CUX1: variants seen among roughly 807,000 people sequenced by gnomAD.
CUX1 encodes the protein protein CASP.
In CUX1, 31 loss-of-function variants were observed where a neutral mutation model predicts 158.8. That is an observed-to-expected ratio of 0.20 (90% CI 0.15 to 0.26). CUX1 has a LOEUF of 0.26. Ranked by LOEUF, CUX1 falls within the 10% of genes least tolerant of loss-of-function variation. The probability of loss-of-function intolerance (pLI) is 1.00; values close to 1 mark genes in which losing one functional copy is unlikely to be tolerated. For synonymous variants in CUX1, 879 were observed against 862.1 expected, an observed-to-expected ratio of 1.02 and a Z score of -0.34; for missense variants, 1,589 against 2,014.6, an observed-to-expected ratio of 0.79 and a Z score of 4.04.
chr7:102,156,066 C>T (rs910766448), intron 8 of CUX1, among the ~76,000 whole-genome samples: 1 of 152,220 alleles, frequency 6.6e-6, no homozygotes, highest in Non-Finnish European at 1.5e-5. Flanking sequence ...CACAAGGCAT[C>T]TGTTACCCTA....
At chr7:102,149,883 G>A (rs1375498348) in intron 8 of CUX1, among the ~76,000 whole-genome samples, 7 of 152,052 alleles carry the variant, frequency 4.6e-5, no homozygotes, top group African/African-American at 7.2e-5. Flanking sequence ...AGGGTCCAGC[G>A]AGCCCCACCT....
At chr7:102,246,998 C>A (rs897713877) in intron 23 of CUX1, among the ~76,000 whole-genome samples, 11 of 152,188 alleles carry the variant, frequency 7.2e-5, no homozygotes, top group African/African-American at 2.4e-4. Context: ...TGCCCCTGCA[C>A]TCCAGCCTAA....
At chr7:102,180,803 C>T (rs1034117137) in intron 11 of CUX1, among the ~76,000 whole-genome samples, 1 of 151,826 alleles carries the variant, frequency 6.6e-6, no homozygotes, top group Non-Finnish European at 1.5e-5. Context: ...AACTGCCCAG[C>T]GCCGGGTCCC....
At chr7:102,121,888 G>C (rs549336999) in intron 8 of CUX1, among the ~76,000 whole-genome samples, 1 of 152,258 alleles carries the variant, frequency 6.6e-6, no homozygotes, top group African/African-American at 2.4e-5. Flanking sequence ...TAATCAAGCA[G>C]CAAAGGTGAG....
chr7:102,155,942 C>T (rs1230918821), intron 8 of CUX1, among the ~76,000 whole-genome samples: 1 of 152,152 alleles, frequency 6.6e-6, no homozygotes, highest in Non-Finnish European at 1.5e-5. Context: ...TGAAATCGTC[C>T]TAAAAATAGC....
At position 102,102,418 on chromosome 7, in the gene CUX1, C is replaced by T. The variant is rs567267146; in HGVS notation, c.407-1918C>T. ...CAGTCTGGGCCACTGAGCGAGACTCCGCCTCAAAAAAAAAAAAAAAAAAAA... is the reference window on the plus strand; with the variant it reads ...CAGTCTGGGCCACTGAGCGAGACTCTGCCTCAAAAAAAAAAAAAAAAAAAA... On this transcript the variant is annotated intron_variant, in intron 5 of 23. Transcript: ENST00000292535. 2.5e-3 allele frequency among the ~76,000 whole-genome samples: 279 copies of T among 111,364 alleles called. 2 individuals carry two copies. The highest frequency in any genetic ancestry group is 0.01 in the African/African-American group (264 of 26,030). 73.1% of individuals were successfully genotyped at this position (111,364 alleles called of 152,430 possible).
chr7:101,930,566 A>G (rs1026793732), intron 2 of CUX1, among the ~76,000 whole-genome samples: 1 of 152,206 alleles, frequency 6.6e-6, no homozygotes, highest in Non-Finnish European at 1.5e-5. Flanking sequence ...TTTCATTTTA[A>G]CTTGCAAATG....
At chr7:101,876,143 C>T (rs1055103300) in intron 1 of CUX1, among the ~76,000 whole-genome samples, 3 of 151,218 alleles carry the variant, frequency 2.0e-5, no homozygotes, top group South Asian at 2.1e-4. Flanking sequence ...GCCAGGAGTT[C>T]GAGACTAGCC....
chr7:101,924,808 C>T (rs1325185573), intron 2 of CUX1, among the ~76,000 whole-genome samples: 4 of 151,978 alleles, frequency 2.6e-5, no homozygotes, highest in Admixed American at 1.3e-4. Context: ...CTCCTGGGCT[C>T]AAGCGATCCT....
chr7:102,244,091 C>T (rs1554536007), intron 23 of CUX1, among the ~76,000 whole-genome samples: 1 of 152,132 alleles, frequency 6.6e-6, no homozygotes, highest in South Asian at 2.1e-4. Context: ...GAGGGCAGAG[C>T]AGAGATGCAG....
chr7:102,025,994 T>C (rs1470544371), intron 2 of CUX1, among the ~76,000 whole-genome samples: 2 of 152,020 alleles, frequency 1.3e-5, no homozygotes, highest in Admixed American at 6.6e-5. Context: ...CTGGGCAACA[T>C]AGCAAGACCC....
At chr7:102,024,365 C>T (rs528070351) in intron 2 of CUX1, among the ~76,000 whole-genome samples, 1 of 152,288 alleles carries the variant, frequency 6.6e-6, no homozygotes, top group Non-Finnish European at 1.5e-5. Context: ...CTCACTCTGT[C>T]ACCCAGGCTA....
intron 2 of CUX1, among the ~76,000 whole-genome samples, chr7:102,022,098 G>C (rs1434753535): frequency 6.6e-6 from 1 of 152,164 alleles, no homozygotes; most frequent in Non-Finnish European, 1.5e-5. Flanking sequence ...GAGGCCCTAA[G>C]ATGGAGCAGA....
chr7:102,259,085 C>T (rs1563509321), downstream of CUX1, among the ~76,000 whole-genome samples: 2 of 152,276 alleles, frequency 1.3e-5, no homozygotes, highest in East Asian at 1.9e-4. Flanking sequence ...GTGAAATGTC[C>T]ACATGTGATA....
At chr7:102,230,168 A>C (rs529938862) in intron 21 of CUX1, among the ~76,000 whole-genome samples, 1 of 152,204 alleles carries the variant, frequency 6.6e-6, no homozygotes, top group East Asian at 1.9e-4. Context: ...TGGGATGAGA[A>C]GAGAAGGGAG....
rs1299397593 is a variant in CUX1, at chr7:102,014,097, C to A, written c.142-14001C>A. 2.6e-5 allele frequency among the ~76,000 whole-genome samples: 4 copies of A among 152,216 alleles called. 1 individual carries two copies. In the South Asian group the frequency reaches 8.3e-4, roughly 32 times the overall value. ...AAAACAGGTACTGAGCCGTGTGTAT[C>A]CTTCAGGTCCAAGCAGCTTCTAAAC... On this transcript the variant is annotated intron_variant, in intron 2 of 23. Transcript: ENST00000292535.
At position 102,249,755 on chromosome 7, in the gene CUX1, A is replaced by G; in HGVS notation, c.*713A>G. ...TTCAGTTGCCACTAAGAGATTGCAC[A>G]GTCAAAACGACTCTAAACACACTAG... On this transcript the variant is annotated 3_prime_UTR_variant, in exon 24 of 24. Transcript: ENST00000292535. 2 of 970,422 alleles carry G rather than the reference A, an allele frequency of 2.1e-6. No individual in the cohort carries two copies. The highest frequency in any genetic ancestry group is 2.4e-6 in the Non-Finnish European group (2 of 816,850). 60.1% of individuals were successfully genotyped at this position (970,422 alleles called of 1,614,324 possible).
chr7:102,277,924 C>A, intron 17 of CUX1: 1 of 991,380 alleles, frequency 1.0e-6, no homozygotes, highest in Non-Finnish European at 1.5e-6. Flanking sequence ...CTCCCCCACC[C>A]CTTTCCTTGC....
intron 2 of CUX1, among the ~76,000 whole-genome samples, chr7:101,946,544 CAAAAAAA>C (rs386410843): frequency 1.3e-5 from 1 of 78,192 alleles, no homozygotes; most frequent in Non-Finnish European, 2.3e-5. Flanking sequence ...GACTCCGTCT[CAAAAAAA>C]AAAAAAAAAA....
Sources: gnomAD v4.1 joint callset for allele counts (sites outside exome capture counted in the v4.1 genomes callset) on GRCh38, gnomAD v4.1.1 for gene constraint, MANE v1.5 for transcripts, NCBI Gene and HGNC (gene_info 2026-07-23, HGNC 2026-07-21) for gene names.